GPC3: variants seen among roughly 807,000 people sequenced by gnomAD.
GPC3 encodes glypican-3.
A neutral mutation model predicts 34.4 loss-of-function variants in GPC3; 3 were observed. That is an observed-to-expected ratio of 0.09 (90% CI 0.04 to 0.23). GPC3 has a LOEUF of 0.23. Among genes scored for constraint, GPC3 ranks in the 10% least tolerant of loss-of-function variants. The probability of loss-of-function intolerance (pLI) is 1.00; values close to 1 mark genes in which losing one functional copy is unlikely to be tolerated. For synonymous variants in GPC3, 177 were observed against 174.0 expected, an observed-to-expected ratio of 1.02 and a Z score of -0.13; for missense variants, 351 against 445.6, an observed-to-expected ratio of 0.79 and a Z score of 1.91.
At chrX:133,659,762 G>C (rs1425326129) in intron 6 of GPC3, among the ~76,000 whole-genome samples, 1 of 111,584 alleles carries the variant, frequency 9.0e-6, no homozygotes, top group Non-Finnish European at 1.9e-5. Flanking sequence ...TTTAGAATTA[G>C]GGACACAGTG....
chrX:133,809,547 T>C (rs2075654274), intron 2 of GPC3, among the ~76,000 whole-genome samples: 2 of 111,311 alleles, frequency 1.8e-5, no homozygotes, highest in Non-Finnish European at 3.8e-5. Flanking sequence ...CAGTCTCTGG[T>C]AAAACAACCA....
chrX:133,743,655 G>C (rs1057494833), intron 3 of GPC3, among the ~76,000 whole-genome samples: 1 of 112,076 alleles, frequency 8.9e-6, no homozygotes, highest in Non-Finnish European at 1.9e-5. Context: ...CTAATGAAGG[G>C]AGCAAGTATC....
chrX:133,547,032 G>A (rs1336049004), intron 7 of GPC3, among the ~76,000 whole-genome samples: 1 of 111,483 alleles, frequency 9.0e-6, no homozygotes, highest in Non-Finnish European at 1.9e-5. Context: ...AACGTGGATG[G>A]AATTGGAGGC....
rs1362863920 is a variant in GPC3 at position 133,881,087 on chromosome X, G to A, written c.337+71963C>T. ...CCAAGTTTGTTAATCATTTGGTCATGCTGCAATTCAATATCAGCAGTGGAA... is the reference window on the plus strand; with the variant it reads ...CCAAGTTTGTTAATCATTTGGTCATACTGCAATTCAATATCAGCAGTGGAA... On this transcript the variant is annotated intron_variant, in intron 2 of 7. Transcript: ENST00000370818. 5.3e-5 allele frequency among the ~76,000 whole-genome samples: 6 copies of A among 112,315 alleles called. No homozygotes were observed. The South Asian group carries it at 1.1e-3, about 21-fold the overall frequency.
At chrX:133,547,409 G>T (rs1455883061) in intron 7 of GPC3, among the ~76,000 whole-genome samples, 1 of 111,171 alleles carries the variant, frequency 9.0e-6, no homozygotes, top group African/African-American at 3.3e-5. Context: ...TTCCTAAGGG[G>T]AGTGCACCAC....
In GPC3 at chrX:133,616,256, T is replaced by C. The variant is rs1319157651; in HGVS notation, c.1414-19657A>G. 8.0e-5 allele frequency among the ~76,000 whole-genome samples: 9 copies of C among 111,931 alleles called. No individual in the cohort carries two copies. The East Asian group carries it at 1.9e-3, about 24-fold the overall frequency. On this transcript the variant is annotated intron_variant, in intron 6 of 7. Coordinates refer to ENST00000370818, the MANE Select transcript of GPC3 (RefSeq NM_004484.4). ...AACAATGAACACTCTAAAAATGAAA[T>C]TAATCAAGTAATTCTATGTACAATT... is the stretch of plus-strand genomic sequence containing the variant.
intron 2 of GPC3, among the ~76,000 whole-genome samples, chrX:133,852,353 T>A (rs1240245502): frequency 1.8e-5 from 2 of 111,767 alleles, no homozygotes; most frequent in Admixed American, 9.5e-5. Context: ...AGGATGGGAA[T>A]AATTAGAAAA....
At chrX:133,970,083 C>A (rs1255076065) in intron 1 of GPC3, among the ~76,000 whole-genome samples, 1 of 112,026 alleles carries the variant, frequency 8.9e-6, no homozygotes, top group Non-Finnish European at 1.9e-5. Context: ...GACCTTGTAG[C>A]TTTTTGGTTC....
chrX:133,681,995 G>C (rs1230066170), intron 5 of GPC3, among the ~76,000 whole-genome samples: 9 of 111,899 alleles, frequency 8.0e-5, no homozygotes, highest in Non-Finnish European at 1.7e-4. Context: ...CTCTCTGAGG[G>C]GTGAATATAA....
At chrX:133,716,029 G>C (rs1390589245) in intron 3 of GPC3, among the ~76,000 whole-genome samples, 1 of 111,828 alleles carries the variant, frequency 8.9e-6, no homozygotes, top group African/African-American at 3.2e-5. Flanking sequence ...GGAAAACACT[G>C]TTCAATCATT....
intron 3 of GPC3, among the ~76,000 whole-genome samples, chrX:133,746,181 A>G (rs1603238849): frequency 1.8e-5 from 2 of 112,028 alleles, no homozygotes; most frequent in Non-Finnish European, 3.8e-5. Context: ...ATTAACTAAC[A>G]TCGATGAAAC....
intron 7 of GPC3, among the ~76,000 whole-genome samples, chrX:133,593,779 A>G: frequency 9.0e-6 from 1 of 110,779 alleles, no homozygotes; most frequent in Non-Finnish European, 1.9e-5. Flanking sequence ...TATGTGCAGG[A>G]GGGTGTGAAG....
intron 2 of GPC3, among the ~76,000 whole-genome samples, chrX:133,951,096 A>ATGTGTGT (rs2076391460): frequency 4.4e-5 from 3 of 68,315 alleles, no homozygotes; most frequent in Non-Finnish European, 6.2e-5. Context: ...GTGTGTGTGA[A>ATGTGTGT]GTGAAAGAGA....
chrX:133,763,545 A>G, intron 2 of GPC3: 1 of 556,593 alleles, frequency 1.8e-6, no homozygotes, highest in Non-Finnish European at 3.2e-6. Flanking sequence ...ACTGGTCTGA[A>G]GGCGTGCAGG....
Position 133,594,367 on chromosome X carries a change from C to G in GPC3, c.1573+2073G>C, listed in dbSNP as rs147735693. On this transcript the variant is annotated intron_variant, in intron 7 of 7. Transcript: ENST00000370818. Reference sequence around the variant, plus strand: ...GGATGGTAGGAGAGCAGTTGAGACTCGTGGTAATGACTTTATGTAAGTTAT... The same window carrying G: ...GGATGGTAGGAGAGCAGTTGAGACTGGTGGTAATGACTTTATGTAAGTTAT... 6.9e-3 allele frequency among the ~76,000 whole-genome samples: 761 copies of G among 111,017 alleles called. 6 individuals are homozygous for G. Among genetic ancestry groups the G allele is most frequent in the African/African-American group, 0.024 (721 of 30,495 alleles).
chrX:133,728,795 C>T (rs2071437346), intron 3 of GPC3, among the ~76,000 whole-genome samples: 1 of 112,279 alleles, frequency 8.9e-6, no homozygotes, highest in African/African-American at 3.2e-5. Flanking sequence ...TGCTGAAAAG[C>T]TGTGCATTAG....
chrX:133,859,534 T>C (rs2075925492), intron 2 of GPC3, among the ~76,000 whole-genome samples: 1 of 111,745 alleles, frequency 8.9e-6, no homozygotes, highest in South Asian at 3.8e-4. Flanking sequence ...TAGGGAGAGA[T>C]GAAGGCGAAA....
intron 3 of GPC3, among the ~76,000 whole-genome samples, chrX:133,746,290 A>G (rs375894785): frequency 8.9e-6 from 1 of 112,404 alleles, no homozygotes; most frequent in African/African-American, 3.2e-5. Context: ...CACTGACCAC[A>G]GAAAGGATGT....
At chrX:133,781,725 T>C (rs7058178) in intron 2 of GPC3, among the ~76,000 whole-genome samples, 4,744 of 111,080 alleles carry the variant, frequency 0.043, 259 homozygotes, top group African/African-American at 0.15. Context: ...GCAGTTGCAA[T>C]GGCCAAAGCT....
Sources: gnomAD v4.1 joint callset for allele counts (sites outside exome capture counted in the v4.1 genomes callset) on GRCh38, gnomAD v4.1.1 for gene constraint, MANE v1.5 for transcripts, NCBI Gene and HGNC (gene_info 2026-07-23, HGNC 2026-07-21) for gene names.